The following SCLT1 variants were observed in gnomAD, a reference collection of about 807,000 sequenced individuals.
SCLT1 encodes the protein sodium channel-associated protein 1.
A neutral mutation model predicts 112.8 loss-of-function variants in SCLT1; 78 were observed. The observed-to-expected ratio is 0.69, with a 90% confidence interval of 0.58 to 0.83. SCLT1 has a LOEUF of 0.83. Ranked by LOEUF, SCLT1 falls within the 40% of genes least tolerant of loss-of-function variation. The pLI, the probability that SCLT1 is intolerant of heterozygous loss-of-function variation, is 0.00. For missense variants in SCLT1, 747 were observed against 770.4 expected (o/e 0.97, Z 0.36); for synonymous variants, 257 against 254.7 (o/e 1.01, Z -0.09).
At chr4:128,928,833 G>T (rs1175640215) in intron 18 of SCLT1, among the ~76,000 whole-genome samples, 2 of 64,200 alleles carry the variant, frequency 3.1e-5, no homozygotes, top group Non-Finnish European at 5.9e-5. Context: ...ACTCCGTCTC[G>T]CAAAAAAAAA....
Position 128,916,591 on chromosome 4 carries a change from A to G in SCLT1, c.1829+20064T>C, listed in dbSNP as rs117329883. 3.0e-3 allele frequency among the ~76,000 whole-genome samples: 459 copies of G among 152,356 alleles called. 11 individuals carry two copies. The East Asian group carries it at 0.044, about 14-fold the overall frequency. On this transcript the variant is annotated intron_variant, in intron 18 of 20. Transcript: ENST00000281142. ...AGGACATCCTCAGCACAGGCAGTCC[A>G]TCATTAAGGAAGAAACATAGTTAAA...
chr4:128,975,940 C>G (rs186143811), intron 9 of SCLT1, among the ~76,000 whole-genome samples: 4 of 152,140 alleles, frequency 2.6e-5, no homozygotes, highest in African/African-American at 9.7e-5. Flanking sequence ...ATTCTAAAAG[C>G]AGTGGATATT....
intron 10 of SCLT1, among the ~76,000 whole-genome samples, chr4:128,967,287 T>C (rs1740289684): frequency 6.6e-6 from 1 of 152,240 alleles, no homozygotes; most frequent in African/African-American, 2.4e-5. Flanking sequence ...TCCTATCTCC[T>C]TGTTATTGTG....
intron 2 of SCLT1, among the ~76,000 whole-genome samples, chr4:129,046,915 AAC>A (rs1748236915): frequency 6.6e-6 from 1 of 152,108 alleles, no homozygotes; most frequent in African/African-American, 2.4e-5. Flanking sequence ...AATGAAGTTG[AAC>A]AGTCTTTTCT....
chr4:128,920,040 C>T (rs979979852), intron 18 of SCLT1, among the ~76,000 whole-genome samples: 1 of 152,120 alleles, frequency 6.6e-6, no homozygotes, highest in African/African-American at 2.4e-5. Flanking sequence ...CTCTTTAACT[C>T]ATTCTATGAG....
At chr4:128,909,879 C>T (rs1464559690) in intron 18 of SCLT1, among the ~76,000 whole-genome samples, 1 of 152,172 alleles carries the variant, frequency 6.6e-6, no homozygotes, top group African/African-American at 2.4e-5. Flanking sequence ...TGTGAAAAAT[C>T]TGTAGGCAAC....
At chr4:128,962,915 C>T (rs967190270) in intron 11 of SCLT1, among the ~76,000 whole-genome samples, 9 of 152,142 alleles carry the variant, frequency 5.9e-5, no homozygotes, top group Non-Finnish European at 1.0e-4. Context: ...TTCTCAAGCT[C>T]TCATATACAT....
At chr4:128,913,771 C>G (rs957201716) in intron 18 of SCLT1, among the ~76,000 whole-genome samples, 3 of 152,126 alleles carry the variant, frequency 2.0e-5, no homozygotes, top group Non-Finnish European at 4.4e-5. Context: ...GTTTATTTTT[C>G]TCTTTAGCAC....
intron 9 of SCLT1, among the ~76,000 whole-genome samples, chr4:128,986,185 T>A (rs1742077549): frequency 6.6e-6 from 1 of 152,122 alleles, no homozygotes; most frequent in African/African-American, 2.4e-5. Flanking sequence ...GAGAGTGAAG[T>A]AAGTGTTGAA....
intron 2 of SCLT1, among the ~76,000 whole-genome samples, chr4:129,060,909 G>A (rs1390136051): frequency 6.6e-6 from 1 of 152,028 alleles, no homozygotes; most frequent in East Asian, 1.9e-4. Context: ...CTTTGTGGCA[G>A]GTTTGGATGT....
In SCLT1 at chr4:128,936,724, G is replaced by C; in HGVS notation, c.1760C>G (p.Ala587Gly). 6.2e-7 allele frequency: 1 copy of C among 1,611,984 alleles called. No individual in the cohort carries two copies. The highest frequency in any genetic ancestry group is 1.7e-5 in the Admixed American group (1 of 59,628). ...LRHLLATQQK[A>G]ANRWKEETKK... ...CGTTTCTTCTTTCCACCTATTGGCT[G>C]CCTTCTGTTGAGTCGCTAGGAGATG... The change falls in exon 18 of 21, where the codon GCA (alanine) becomes GGA (glycine). Residue 587 changes from alanine to glycine, a missense_variant. By Grantham distance (60) the Ala-to-Gly change is moderately conservative (BLOSUM62 0). This residue lies in a region of SCLT1 where 723 missense variants were observed against 721.3 expected (regional missense o/e 1.00). Transcript: ENST00000281142.
At chr4:129,065,488 T>A (rs932787366) in intron 2 of SCLT1, among the ~76,000 whole-genome samples, 4 of 152,082 alleles carry the variant, frequency 2.6e-5, no homozygotes, top group African/African-American at 9.7e-5. Context: ...TATTTGACTT[T>A]GTCAATAACA....
intron 14 of SCLT1, among the ~76,000 whole-genome samples, chr4:128,951,175 A>T (rs1163241415): frequency 6.6e-6 from 1 of 152,140 alleles, no homozygotes; most frequent in Non-Finnish European, 1.5e-5. Context: ...ATTGTTAATA[A>T]TAGAAAACAA....
chr4:128,957,535 T>C (rs1739320489), intron 12 of SCLT1, among the ~76,000 whole-genome samples: 1 of 152,172 alleles, frequency 6.6e-6, no homozygotes, highest in Admixed American at 6.5e-5. Context: ...AACTCATAAT[T>C]TGATCATTGC....
chr4:129,023,939 G>T (rs964827152), intron 5 of SCLT1, among the ~76,000 whole-genome samples: 1 of 152,224 alleles, frequency 6.6e-6, no homozygotes, highest in African/African-American at 2.4e-5. Flanking sequence ...CTGATTGCTA[G>T]CACAGCAGTA....
At chr4:129,053,025 T>C (rs1339336235) in intron 2 of SCLT1, among the ~76,000 whole-genome samples, 1 of 152,204 alleles carries the variant, frequency 6.6e-6, no homozygotes, top group East Asian at 1.9e-4. Context: ...AGTTTCCATA[T>C]AGCTGTGTGG....
chr4:129,004,564 C>T (rs1743827994), intron 5 of SCLT1, among the ~76,000 whole-genome samples: 1 of 151,754 alleles, frequency 6.6e-6, no homozygotes, highest in African/African-American at 2.4e-5. Context: ...ATAATACATA[C>T]TTAAGAGAAA....
At chr4:129,005,407 A>C (rs1428315025) in intron 5 of SCLT1, among the ~76,000 whole-genome samples, 1 of 152,242 alleles carries the variant, frequency 6.6e-6, no homozygotes, top group Admixed American at 6.5e-5. Flanking sequence ...CAAAAGACAC[A>C]TGAAAAAATG....
chr4:128,948,160 C>A (rs374365825), intron 15 of SCLT1, among the ~76,000 whole-genome samples: 1 of 151,238 alleles, frequency 6.6e-6, no homozygotes, highest in East Asian at 1.9e-4. Flanking sequence ...ATGGTGAAAC[C>A]CCATCTCTAC....
Sources: gnomAD v4.1 joint callset for allele counts (sites outside exome capture counted in the v4.1 genomes callset) on GRCh38, gnomAD v4.1.1 for gene constraint, gnomAD v4.1.1 regional missense constraint, MANE v1.5 for transcripts, NCBI Gene and HGNC (gene_info 2026-07-23, HGNC 2026-07-21) for gene names.